The following CNTLN variants were observed in gnomAD, a reference collection of about 807,000 sequenced individuals.
CNTLN encodes centlein, also known as centlein, centrosomal protein.
In CNTLN, 212 loss-of-function variants were observed where a neutral mutation model predicts 180.0. That is an observed-to-expected ratio of 1.18 (90% CI 1.05 to 1.32). The LOEUF (loss-of-function observed/expected upper bound fraction) is 1.32. Ranked by LOEUF, CNTLN falls within the 40% of genes most tolerant of loss-of-function variation. The pLI is 0.00. For missense variants in CNTLN, 2,095 were observed against 1,610.9 expected (o/e 1.30, Z -5.14); for synonymous variants, 722 against 563.1 (o/e 1.28, Z -3.99).
chr9:17,453,512 A>C (rs937215608), intron 18 of CNTLN, among the ~76,000 whole-genome samples: 7 of 152,194 alleles, frequency 4.6e-5, no homozygotes, highest in African/African-American at 1.7e-4. Flanking sequence ...GATTAAAAAA[A>C]ATCAGGACCC....
intron 12 of CNTLN, among the ~76,000 whole-genome samples, chr9:17,349,741 C>A (rs928812761): frequency 1.3e-5 from 2 of 152,050 alleles, no homozygotes; most frequent in Non-Finnish European, 2.9e-5. Context: ...AATAAAAAGG[C>A]CAAGAACTTA....
At chr9:17,269,113 C>G (rs1034540988) in intron 5 of CNTLN, among the ~76,000 whole-genome samples, 1 of 152,148 alleles carries the variant, frequency 6.6e-6, no homozygotes, top group African/African-American at 2.4e-5. Flanking sequence ...GCAGAAATCA[C>G]CTGTCTTCTG....
the CNTLN span, among the ~76,000 whole-genome samples, chr9:17,518,114 C>T: frequency 0.097 from 11,891 of 122,304 alleles, 1,782 homozygotes; most frequent in African/African-American, 0.33. Context: ...ATGATCTGAT[C>T]TCGGCTCACC....
At chr9:17,426,152 G>A (rs1829071337) in intron 18 of CNTLN, among the ~76,000 whole-genome samples, 1 of 152,162 alleles carries the variant, frequency 6.6e-6, no homozygotes, top group South Asian at 2.1e-4. Context: ...AATAGACAAT[G>A]AAGGAAAGCT....
chr9:17,292,678 T>G (rs1427267373), intron 6 of CNTLN, among the ~76,000 whole-genome samples: 1 of 152,156 alleles, frequency 6.6e-6, no homozygotes, highest in African/African-American at 2.4e-5. Context: ...TTCAAACTAA[T>G]TATTCTGGTT....
At chr9:17,460,038 T>C (rs1831360919) in intron 19 of CNTLN, among the ~76,000 whole-genome samples, 1 of 151,708 alleles carries the variant, frequency 6.6e-6, no homozygotes, top group African/African-American at 2.4e-5. Flanking sequence ...ATTGAGAAAA[T>C]TGGCTAGATT....
intron 13 of CNTLN, among the ~76,000 whole-genome samples, chr9:17,377,871 T>C (rs1477635946): frequency 2.6e-5 from 4 of 152,216 alleles, no homozygotes; most frequent in Non-Finnish European, 4.4e-5. Context: ...TTCAACTTGA[T>C]ATTCAAAAAC....
chr9:17,502,611 C>T lies in CNTLN; in HGVS notation c.4180C>T (p.Leu1394=). The T allele has an allele frequency of 1.4e-6, 2 of 1,397,168 alleles. No individual in the cohort carries two copies. Among genetic ancestry groups the T allele is most frequent in the Non-Finnish European group, 9.8e-7 (1 of 1,020,460 alleles). The allele number at this position is 1,397,168 out of a possible 1,614,324, so 86.5% of individuals were successfully genotyped here. The change falls in exon 26 of 26, where the codon CTA becomes TTA. Residue 1394 remains leucine (L), a synonymous_variant. Transcript: ENST00000380647. The part of the protein sequence containing the change: ...VLEKINEKKK[L]VEGYFTIMKD... ...GGAAAAAATAAATGAAAAAAAGAAA[C>T]TAGTTGAAGGATATTTCACAATTAT...
At chr9:17,468,186 C>G (rs1037817937) in intron 23 of CNTLN, among the ~76,000 whole-genome samples, 2 of 151,524 alleles carry the variant, frequency 1.3e-5, no homozygotes, top group Non-Finnish European at 3.0e-5. Context: ...GGAACCTAAA[C>G]ATTGAGTACA....
chr9:17,401,143 G>A (rs939328213), intron 15 of CNTLN, among the ~76,000 whole-genome samples: 7 of 152,132 alleles, frequency 4.6e-5, no homozygotes, highest in Admixed American at 1.3e-4. Flanking sequence ...CTAGGTTACT[G>A]TAGATCTAGA....
chr9:17,380,701 A>G (rs977980019), intron 13 of CNTLN, among the ~76,000 whole-genome samples: 25 of 152,312 alleles, frequency 1.6e-4, no homozygotes, highest in African/African-American at 4.8e-4. Flanking sequence ...TTCACAAACC[A>G]TTTCTTACCA....
the CNTLN span, among the ~76,000 whole-genome samples, chr9:17,528,163 T>G: frequency 6.6e-6 from 1 of 152,162 alleles, no homozygotes; most frequent in African/African-American, 2.4e-5. Flanking sequence ...ACTCCTTATG[T>G]GTGGGCTGCA....
chr9:17,274,453 A>ATATCTATCTATC (rs71331478), intron 6 of CNTLN, among the ~76,000 whole-genome samples: 111 of 138,888 alleles, frequency 8.0e-4, no homozygotes, highest in East Asian at 1.3e-3. Context: ...TCATAGATCA[A>ATATCTATCTATC]TATCTATCTA....
chr9:17,169,327 A>G (rs1427541456), intron 2 of CNTLN, among the ~76,000 whole-genome samples: 1 of 152,200 alleles, frequency 6.6e-6, no homozygotes, highest in Non-Finnish European at 1.5e-5. Flanking sequence ...TAAACCTGAT[A>G]GAACATAATG....
intron 5 of CNTLN, among the ~76,000 whole-genome samples, chr9:17,268,032 C>G (rs1052566940): frequency 1.3e-5 from 2 of 152,120 alleles, no homozygotes; most frequent in Admixed American, 1.3e-4. Flanking sequence ...CTTCTTCTCT[C>G]AACTTGTCAA....
the CNTLN span, among the ~76,000 whole-genome samples, chr9:17,518,966 C>T: frequency 6.6e-6 from 1 of 152,114 alleles, no homozygotes; most frequent in African/African-American, 2.4e-5. Context: ...CTCTGTCACC[C>T]AGGCTTGAGT....
chr9:17,192,577 A>T (rs1464149347), intron 2 of CNTLN, among the ~76,000 whole-genome samples: 2 of 152,192 alleles, frequency 1.3e-5, no homozygotes. Context: ...CAGATGAAGG[A>T]ACTGAGGTAC....
intron 1 of CNTLN, among the ~76,000 whole-genome samples, chr9:17,139,044 T>G (rs1817908381): frequency 6.6e-6 from 1 of 152,164 alleles, no homozygotes; most frequent in Non-Finnish European, 1.5e-5. Flanking sequence ...TATTATTTGA[T>G]TCTGTTTGGA....
chr9:17,384,879 G>T (rs1825566480), intron 13 of CNTLN, among the ~76,000 whole-genome samples: 2 of 151,806 alleles, frequency 1.3e-5, no homozygotes, highest in South Asian at 4.2e-4. Flanking sequence ...CTCCAATTGG[G>T]CAATTCAGTT....
Sources: allele counts gnomAD v4.1 joint callset (sites outside exome capture counted in the v4.1 genomes callset), GRCh38; gene constraint gnomAD v4.1.1; transcripts MANE v1.5; gene names NCBI Gene and HGNC (gene_info 2026-07-23, HGNC 2026-07-21).